NLK: variants seen among roughly 807,000 people sequenced by gnomAD.
NLK encodes the protein serine/threonine-protein kinase NLK.
NLK carries 11 observed loss-of-function variants against 59.0 expected under a neutral mutation model. The observed-to-expected ratio is 0.19, with a 90% CI of 0.12 to 0.31. NLK has a LOEUF of 0.31. Among genes scored for constraint, NLK ranks in the 10% least tolerant of loss-of-function variants. The probability of loss-of-function intolerance (pLI) is 1.00; values close to 1 mark genes in which losing one functional copy is unlikely to be tolerated. For missense variants in NLK, 410 were observed against 661.1 expected (o/e 0.62, Z 4.16); for synonymous variants, 235 against 235.9 (o/e 1.00, Z 0.03).
intron 7 of NLK, among the ~76,000 whole-genome samples, chr17:28,180,289 G>A (rs886201156): frequency 5.9e-5 from 9 of 152,210 alleles, no homozygotes; most frequent in South Asian, 4.2e-4. Flanking sequence ...ATTTTCTTCA[G>A]CCACTCATTC....
At chr17:28,053,432 T>TGA (rs1909328406) in intron 1 of NLK, among the ~76,000 whole-genome samples, 1 of 152,258 alleles carries the variant, frequency 6.6e-6, no homozygotes, top group East Asian at 1.9e-4. Context: ...ATTTGGTACC[T>TGA]GATCGTTGCC....
chr17:28,099,802 T>A (rs1007106716), intron 1 of NLK, among the ~76,000 whole-genome samples: 6 of 151,670 alleles, frequency 4.0e-5, no homozygotes, highest in Non-Finnish European at 8.8e-5. Context: ...ATGGTCTCGA[T>A]CTCCTGACCT....
At chr17:28,138,661 A>G (rs1186056120) in intron 3 of NLK, among the ~76,000 whole-genome samples, 1 of 152,226 alleles carries the variant, frequency 6.6e-6, no homozygotes, top group Non-Finnish European at 1.5e-5. Context: ...TCTTTCTTCA[A>G]TAATGGTACT....
intron 1 of NLK, among the ~76,000 whole-genome samples, chr17:28,119,045 G>A (rs996030565): frequency 6.6e-6 from 1 of 152,116 alleles, no homozygotes; most frequent in Non-Finnish European, 1.5e-5. Context: ...ACTAAATGTT[G>A]TTCATTATCT....
chr17:28,187,669 A>G (rs1909167819), intron 8 of NLK, among the ~76,000 whole-genome samples: 1 of 152,232 alleles, frequency 6.6e-6, no homozygotes, highest in Admixed American at 6.5e-5. Context: ...TAAGGCTGGA[A>G]CTTCCTAAGC....
At chr17:28,137,886 T>C (rs1475188584) in intron 3 of NLK, among the ~76,000 whole-genome samples, 2 of 152,126 alleles carry the variant, frequency 1.3e-5, no homozygotes, top group East Asian at 3.8e-4. Flanking sequence ...TTTTAACTTT[T>C]TGTCTTCATA....
At chr17:28,171,118 C>T (rs748218679) in intron 6 of NLK, 3 of 152,082 alleles carry the variant, frequency 2.0e-5, no homozygotes, top group Non-Finnish European at 4.4e-5. Context: ...TAGTCATTTC[C>T]TTCTGCCTTT....
intron 1 of NLK, among the ~76,000 whole-genome samples, chr17:28,047,131 T>G (rs1374698263): frequency 6.6e-6 from 1 of 152,208 alleles, no homozygotes; most frequent in Non-Finnish European, 1.5e-5. Flanking sequence ...ATGTGAAGAT[T>G]AAGTGAGGTA....
chr17:28,070,791 C>T (rs952259889), intron 1 of NLK, among the ~76,000 whole-genome samples: 1 of 152,000 alleles, frequency 6.6e-6, no homozygotes, highest in Admixed American at 6.6e-5. Context: ...TTCTAAAATA[C>T]TAATTTTACC....
chr17:28,065,690 C>T (rs547422087), intron 1 of NLK, among the ~76,000 whole-genome samples: 4 of 152,254 alleles, frequency 2.6e-5, no homozygotes, highest in South Asian at 4.2e-4. Flanking sequence ...TGGACCCAAA[C>T]TTTATTACAA....
intron 1 of NLK, among the ~76,000 whole-genome samples, chr17:28,109,691 G>A (rs1244306016): frequency 6.6e-6 from 1 of 152,018 alleles, no homozygotes. Context: ...ATAATAGTTT[G>A]TTCTGTTGTA....
chr17:28,112,059 A>C (rs1031331834), intron 1 of NLK, among the ~76,000 whole-genome samples: 2 of 151,798 alleles, frequency 1.3e-5, no homozygotes, highest in African/African-American at 4.8e-5. Flanking sequence ...ATCTATGGAG[A>C]GTTCAGGCTA....
At chr17:28,155,723 T>C (rs972253272) in intron 3 of NLK, among the ~76,000 whole-genome samples, 2 of 150,570 alleles carry the variant, frequency 1.3e-5, no homozygotes, top group South Asian at 2.1e-4. Flanking sequence ...AGGTGGGAAT[T>C]GAACAATGAG....
In NLK at chr17:28,060,091, G is replaced by A. The variant is rs1597657633; in HGVS notation, c.458+16760G>A. Among the ~76,000 whole-genome samples the A allele has an allele frequency of 3.3e-5, 5 of 152,280 alleles. No homozygotes were observed. In the South Asian group the frequency reaches 1.0e-3, roughly 32 times the overall value. Reference sequence around the variant, plus strand: ...TAACTGTCATGAGCAGCATGCACCAGTCCCAGCACACTGGTTTATTTTGTT... The same window carrying A: ...TAACTGTCATGAGCAGCATGCACCAATCCCAGCACACTGGTTTATTTTGTT... On this transcript the variant is annotated intron_variant, in intron 1 of 10. Transcript: ENST00000407008.
At chr17:28,083,289 A>C (rs1910407425) in intron 1 of NLK, among the ~76,000 whole-genome samples, 1 of 152,214 alleles carries the variant, frequency 6.6e-6, no homozygotes. Flanking sequence ...TTGTTGAATG[A>C]ATAAACATGT....
At chr17:28,199,652 T>G (rs1229427153), downstream of NLK, among the ~76,000 whole-genome samples, 5 of 108,956 alleles carry the variant, frequency 4.6e-5, no homozygotes, top group Non-Finnish European at 6.8e-5. Context: ...GATGACAGAG[T>G]GAGACTCTGT....
At chr17:28,056,260 C>T (rs1909439510) in intron 1 of NLK, among the ~76,000 whole-genome samples, 1 of 152,170 alleles carries the variant, frequency 6.6e-6, no homozygotes, top group South Asian at 2.1e-4. Context: ...TCTCACAAGC[C>T]TAGAGCTCTG....
At chr17:28,162,295 G>A (rs780632109) in intron 4 of NLK, among the ~76,000 whole-genome samples, 11 of 152,174 alleles carry the variant, frequency 7.2e-5, no homozygotes, top group African/African-American at 9.6e-5. Context: ...GATTACAGGC[G>A]TGAGCCACTG....
chr17:28,111,861 C>CGTGTGTGTGT (rs144479598), intron 1 of NLK, among the ~76,000 whole-genome samples: 25 of 74,106 alleles, frequency 3.4e-4, no homozygotes, highest in South Asian at 1.6e-3. Context: ...AGGCTTATAC[C>CGTGTGTGTGT]GTGTGTGTGT....
Sources: gnomAD v4.1 joint callset for allele counts (sites outside exome capture counted in the v4.1 genomes callset) on GRCh38, gnomAD v4.1.1 for gene constraint, MANE v1.5 for transcripts, NCBI Gene and HGNC (gene_info 2026-07-23, HGNC 2026-07-21) for gene names.